The following C2CD3 variants were observed in gnomAD, a reference collection of about 807,000 sequenced individuals.
The protein encoded by C2CD3 is C2 domain containing 3 centriole elongation regulator.
A neutral mutation model predicts 234.0 loss-of-function variants in C2CD3; 148 were observed. The ratio of observed to expected loss-of-function variants is 0.63; its 90% CI spans 0.55 to 0.72. The LOEUF is 0.72. Among genes scored for constraint, C2CD3 ranks in the 30% least tolerant of loss-of-function variants. The pLI is 0.00. For missense variants in C2CD3, 2,577 were observed against 2,811.5 expected (o/e 0.92, Z 1.89); for synonymous variants, 1,000 against 1,035.4 (o/e 0.97, Z 0.66).
intron 8 of C2CD3, 86 bp downstream of exon 8, chr11:74,122,902 A>G: frequency 1.5e-6 from 1 of 663,328 alleles, no homozygotes; most frequent in South Asian, 2.1e-5. Context: ...AAGTTATGTA[A>G]AATGCATAGC....
In C2CD3 at chr11:74,103,503, A is replaced by G. The variant is rs371943789; in HGVS notation, c.2208T>C (p.Leu736=). ...TTTTGGTACAGGTCATATCTTGGTT[A>G]AGTTCTGGTAGTGCCTTATTTGGAC... The part of the protein sequence containing the change: ...PTSPNKALPE[L]NQDMTCTKNP... The change falls in exon 14 of 33, where the codon CTT becomes CTC. Residue 736 remains leucine (L), a synonymous_variant. Transcript: ENST00000334126. 6.2e-7 allele frequency: 1 copy of G among 1,614,036 alleles called. No homozygotes were observed. The highest frequency in any genetic ancestry group is 1.3e-5 in the African/African-American group (1 of 74,914).
rs1162792202 is a variant in C2CD3 at position 74,017,343 on chromosome 11, G to T, written c.6922-3818C>A. 2.0e-5 allele frequency among the ~76,000 whole-genome samples: 3 copies of T among 152,158 alleles called. No individual in the cohort carries two copies. In the East Asian group the frequency reaches 5.8e-4, roughly 29 times the overall value. ...ACGGCAGTAGGCCAGGGGCTTTCAG[G>T]CTGCCCCATTAAATCCTACCTCATC... is the stretch of plus-strand genomic sequence containing the variant. On this transcript the variant is annotated intron_variant, in intron 32 of 32. Transcript: ENST00000334126.
chr11:74,154,377 T>C (rs1410382465), intron 3 of C2CD3, among the ~76,000 whole-genome samples: 3 of 152,130 alleles, frequency 2.0e-5, no homozygotes, highest in African/African-American at 7.2e-5. Context: ...TCTATGCTTC[T>C]GAGTTGTAGT....
chr11:74,110,396 T>C (rs536967368), intron 11 of C2CD3: 15 of 152,396 alleles, frequency 9.8e-5, no homozygotes, highest in African/African-American at 3.6e-4. Flanking sequence ...GGCGACTCTA[T>C]ACTTTTCTTG....
intron 26 of C2CD3, among the ~76,000 whole-genome samples, chr11:74,050,024 C>T (rs570696759): frequency 6.6e-6 from 1 of 152,244 alleles, no homozygotes; most frequent in South Asian, 2.1e-4. Flanking sequence ...AAGTGATCCT[C>T]CTGCATTGGC....
chr11:74,138,233 C>T lies in C2CD3; in HGVS notation c.955+487G>A, dbSNP rs142817911. On this transcript the variant is annotated intron_variant, in intron 5 of 32. Coordinates refer to ENST00000334126, the MANE Select transcript of C2CD3 (RefSeq NM_001286577.2). ...AGCCCTTATAAGGGTAAACTGTCTC[C>T]TTTCTTCTTCTATTTGGCCACAGTC... Among the ~76,000 whole-genome samples, 184 of 152,208 alleles carry T rather than the reference C, an allele frequency of 1.2e-3. 1 individual carries two copies. The highest frequency in any genetic ancestry group is 4.4e-3 in the African/African-American group (182 of 41,540).
At chr11:74,113,551 A>G (rs746376409) in intron 11 of C2CD3, 1 of 486,132 alleles carries the variant, frequency 2.1e-6, no homozygotes, top group Non-Finnish European at 3.7e-6. Context: ...GTGGTGGCAT[A>G]CGCCTGTAAT....
chr11:74,048,065 T>C, intron 28 of C2CD3, 140 bp downstream of exon 28: 1 of 895,874 alleles, frequency 1.1e-6, no homozygotes, highest in Non-Finnish European at 1.7e-6. Context: ...TTGGGGTTTT[T>C]GGAGTTGTGA....
chr11:74,047,057 AG>A (rs1339172812), intron 28 of C2CD3, among the ~76,000 whole-genome samples: 5 of 152,212 alleles, frequency 3.3e-5, no homozygotes, highest in Non-Finnish European at 7.3e-5. Flanking sequence ...AGAAAACTAA[AG>A]TAATTAGCCT....
chr11:74,085,833 T>C lies in C2CD3; in HGVS notation c.3695A>G (p.Asn1232Ser), dbSNP rs140307393. ...ALQFSATVGV[N>S]ASVTTHLSFL... is the part of the protein sequence containing the mutation. ...GGAGAGATGAGTGGTGACAGAGGCA[T>C]TGACCCCGACTGTGGCACTAAACTG... Residue 1232 changes from asparagine (N) to serine (S), a missense_variant, in exon 21 of 33, where the codon AAT becomes AGT. Coordinates refer to ENST00000334126, the MANE Select transcript of C2CD3 (RefSeq NM_001286577.2). The C allele has an allele frequency of 7.8e-3, 12,649 of 1,614,070 alleles. 72 individuals are homozygous for C. The highest frequency in any genetic ancestry group is 0.013 in the South Asian group (1,229 of 91,076).
chr11:74,128,971 C>T (rs1279157642), intron 7 of C2CD3: 6 of 280,152 alleles, frequency 2.1e-5, no homozygotes, highest in South Asian at 6.2e-5. Flanking sequence ...AGCAACCATC[C>T]GATTTCTCAA....
rs1173312685 is a variant in C2CD3, at chr11:74,059,432, AAAAG to A, written c.4952-1892_4952-1889del. Among the ~76,000 whole-genome samples the A allele has an allele frequency of 4.6e-5, 7 of 151,158 alleles. No individual in the cohort carries two copies. In the East Asian group the frequency reaches 7.8e-4, roughly 17 times the overall value. ...TCTCAAAAAAAAAAAAAAAAAAAAA[AAAAG>A]AAAGATTTCTCCAAATCCATACTCC... is the stretch of plus-strand genomic sequence containing the variant. On this transcript the variant is annotated intron_variant, in intron 24 of 32. Coordinates refer to ENST00000334126, the MANE Select transcript of C2CD3 (RefSeq NM_001286577.2).
chr11:74,143,032 A>G (rs1021980683), intron 3 of C2CD3, among the ~76,000 whole-genome samples: 1 of 152,128 alleles, frequency 6.6e-6, no homozygotes, highest in Non-Finnish European at 1.5e-5. Context: ...GGCTAAAGGG[A>G]GTTAACTTTT....
In C2CD3 at chr11:74,158,415, T is replaced by C. The variant is rs554947931; in HGVS notation, c.483+2984A>G. 2.0e-5 allele frequency among the ~76,000 whole-genome samples: 3 copies of C among 152,292 alleles called. No individual in the cohort carries two copies. The South Asian group carries it at 6.2e-4, about 32-fold the overall frequency. On this transcript the variant is annotated intron_variant, in intron 3 of 32. Coordinates refer to ENST00000334126, the MANE Select transcript of C2CD3 (RefSeq NM_001286577.2). ...TAAAAGAAGACATGCAAATGGTTAATAGGCATATGAAAAAATGCTCAACAG... is the reference window on the plus strand; with the variant it reads ...TAAAAGAAGACATGCAAATGGTTAACAGGCATATGAAAAAATGCTCAACAG...
Position 74,034,060 on chromosome 11 carries a change from G to A in C2CD3, c.6100C>T (p.Leu2034Phe). ...LEETSNGGRMLHESLRHAVPI... is the reference protein window; with the variant it reads ...LEETSNGGRMFHESLRHAVPI... ...ACTGCATGCCTCAGGGACTCATGGAGCATTCTTCCTCCATTTGAAGTCTCT... is the reference window on the plus strand; with the variant it reads ...ACTGCATGCCTCAGGGACTCATGGAACATTCTTCCTCCATTTGAAGTCTCT... Residue 2034 changes from leucine to phenylalanine, a missense_variant, in exon 31 of 33, where the codon CTC becomes TTC. Physicochemically the swap from Leu to Phe is conservative, Grantham distance 22. Transcript: ENST00000334126. The A allele has an allele frequency of 1.3e-6, 2 of 1,536,380 alleles. No individual in the cohort carries two copies. The highest frequency in any genetic ancestry group is 1.7e-6 in the Non-Finnish European group (2 of 1,146,960).
chr11:74,028,511 ATTC>A (rs988245754), intron 31 of C2CD3, 113 bp from the exon 32 acceptor site: 40 of 674,336 alleles, frequency 5.9e-5, no homozygotes, highest in African/African-American at 4.7e-4. Context: ...TCCCTCAACT[ATTC>A]TTGTCCATAA....
chr11:74,122,917 A>T (rs151332770), intron 8 of C2CD3, 71 bp downstream of exon 8: 8 of 564,778 alleles, frequency 1.4e-5, no homozygotes, highest in Non-Finnish European at 1.7e-5. Flanking sequence ...CATAGCTGTC[A>T]TGCCTGCAGC....
chr11:74,152,844 C>G (rs1373689976), intron 3 of C2CD3, among the ~76,000 whole-genome samples: 1 of 152,186 alleles, frequency 6.6e-6, no homozygotes, highest in Non-Finnish European at 1.5e-5. Context: ...TAAAATCTCT[C>G]AGAAAATTTG....
In C2CD3 at chr11:74,122,892, A is replaced by G. The variant is rs560041762; in HGVS notation, c.1365+96T>C. On this transcript the variant is annotated intron_variant, in intron 8 of 32. Coordinates refer to ENST00000334126, the MANE Select transcript of C2CD3 (RefSeq NM_001286577.2). ...GGTTGTCATTAAAATTAAGTAAGGT[A>G]AGTTATGTAAAATGCATAGCTGTCA... is the stretch of plus-strand genomic sequence containing the variant. The G allele has an allele frequency of 1.4e-4, 73 of 521,644 alleles. No homozygotes were observed. In the African/African-American group the frequency reaches 2.0e-3, roughly 14 times the overall value. 32.3% of individuals were successfully genotyped at this position (521,644 alleles called of 1,614,324 possible).
Sources: gnomAD v4.1 joint callset for allele counts (sites outside exome capture counted in the v4.1 genomes callset) on GRCh38, gnomAD v4.1.1 for gene constraint, MANE v1.5 for transcripts, NCBI Gene and HGNC (gene_info 2026-07-23, HGNC 2026-07-21) for gene names.